The following WDFY3 variants were observed in gnomAD, a reference collection of about 807,000 sequenced individuals.
WDFY3 encodes WD repeat and FYVE domain-containing protein 3.
A neutral mutation model predicts 409.6 loss-of-function variants in WDFY3; 66 were observed. The observed-to-expected ratio is 0.16, with a 90% CI of 0.13 to 0.20. The LOEUF (loss-of-function observed/expected upper bound fraction) is 0.20. Ranked by LOEUF, WDFY3 falls within the 10% of genes least tolerant of loss-of-function variation. The probability of loss-of-function intolerance (pLI) is 1.00; values close to 1 mark genes in which losing one functional copy is unlikely to be tolerated. For missense variants in WDFY3, 3,031 were observed against 4,298.1 expected (o/e 0.71, Z 8.24); for synonymous variants, 1,521 against 1,537.1 (o/e 0.99, Z 0.25).
chr4:84,855,025 TA>T (rs1451833970), intron 4 of WDFY3, among the ~76,000 whole-genome samples: 1 of 152,076 alleles, frequency 6.6e-6, no homozygotes, highest in African/African-American at 2.4e-5. Context: ...GTGAAATTCA[TA>T]ACAGATTAAA....
chr4:84,741,316 G>GT lies in WDFY3; in HGVS notation c.6234+444dup, dbSNP rs879900100. 9.8e-3 allele frequency among the ~76,000 whole-genome samples: 1,374 copies of GT among 140,472 alleles called. 4 individuals carry two copies. The highest frequency in any genetic ancestry group is 0.046 in the East Asian group (222 of 4,834). 92.2% of individuals were successfully genotyped at this position (140,472 alleles called of 152,430 possible). On this transcript the variant is annotated intron_variant, in intron 38 of 67. Transcript: ENST00000295888. Reference sequence around the variant, plus strand: ...GGTTCAAAGTCTGTATCTCTATTCAGTTTTTTTTTTTTTTTTGAGACGGAG... The same window carrying GT: ...GGTTCAAAGTCTGTATCTCTATTCAGTTTTTTTTTTTTTTTTTGAGACGGAG...
intron 60 of WDFY3, among the ~76,000 whole-genome samples, chr4:84,691,371 G>A (rs1184413033): frequency 6.6e-6 from 1 of 152,164 alleles, no homozygotes; most frequent in Non-Finnish European, 1.5e-5. Context: ...GAGTGAGAAG[G>A]AAACTGCTAG....
intron 6 of WDFY3, among the ~76,000 whole-genome samples, chr4:84,840,904 G>A (rs1281870082): frequency 3.3e-5 from 5 of 152,022 alleles, no homozygotes; most frequent in Non-Finnish European, 2.9e-5. Flanking sequence ...TCCTATGTGT[G>A]TTACAACATA....
At chr4:84,942,382 A>G (rs991039980) in intron 1 of WDFY3, among the ~76,000 whole-genome samples, 2 of 152,198 alleles carry the variant, frequency 1.3e-5, no homozygotes, top group Admixed American at 6.5e-5. Context: ...AGATGTCGAC[A>G]CTTACTTTTA....
chr4:84,858,566 A>C (rs922810490), intron 4 of WDFY3, among the ~76,000 whole-genome samples: 1 of 152,186 alleles, frequency 6.6e-6, no homozygotes, highest in Non-Finnish European at 1.5e-5. Flanking sequence ...TATAGAGGAG[A>C]ATATTCTCAA....
intron 55 of WDFY3, among the ~76,000 whole-genome samples, chr4:84,703,006 G>A (rs1731303904): frequency 6.6e-6 from 1 of 151,844 alleles, no homozygotes; most frequent in East Asian, 1.9e-4. Flanking sequence ...TGAGGCAGGA[G>A]AATGGCATGA....
At chr4:84,895,574 C>T (rs1201132890) in intron 3 of WDFY3, among the ~76,000 whole-genome samples, 1 of 152,122 alleles carries the variant, frequency 6.6e-6, no homozygotes, top group East Asian at 1.9e-4. Flanking sequence ...AAGCCAGTCA[C>T]AGGAAGAGCC....
chr4:84,733,338 A>G, intron 44 of WDFY3, 44 bp downstream of exon 44: 1 of 1,575,556 alleles, frequency 6.3e-7, no homozygotes, highest in Non-Finnish European at 8.6e-7. Context: ...AGGAAAATAA[A>G]AACTTGAAAG....
At chr4:84,834,717 A>C (rs2149968574) in intron 7 of WDFY3, among the ~76,000 whole-genome samples, 1 of 152,326 alleles carries the variant, frequency 6.6e-6, no homozygotes, top group Admixed American at 6.5e-5. Flanking sequence ...CTGTTACAAA[A>C]GTCCAACCAA....
At chr4:84,783,821 T>C (rs1385263) in intron 24 of WDFY3, among the ~76,000 whole-genome samples, 64,521 of 151,536 alleles carry the variant, frequency 0.43, 14,075 homozygotes, top group East Asian at 0.49. Flanking sequence ...TATAGAGTTA[T>C]GTGAAGTTTA....
intron 5 of WDFY3, among the ~76,000 whole-genome samples, chr4:84,846,834 T>G (rs1283553644): frequency 7.3e-5 from 11 of 151,702 alleles, no homozygotes; most frequent in Admixed American, 6.6e-4. Flanking sequence ...AATCTTGAAG[T>G]AATTCAGGAA....
chr4:84,685,327 C>T (rs1172394975), intron 62 of WDFY3, among the ~76,000 whole-genome samples: 2 of 152,138 alleles, frequency 1.3e-5, no homozygotes, highest in African/African-American at 4.8e-5. Flanking sequence ...TGTGCTGCAC[C>T]GTCTGTGCTG....
In WDFY3 at chr4:84,804,449, C is replaced by A. The variant is rs866512397; in HGVS notation, c.2430-982G>T. ...CACTGCCGTGGTTTAAAAAAAATACCGTTCTCTTTTTAACAGGGATTCTAG... is the reference window on the plus strand; with the variant it reads ...CACTGCCGTGGTTTAAAAAAAATACAGTTCTCTTTTTAACAGGGATTCTAG... On this transcript the variant is annotated intron_variant, in intron 15 of 67. Coordinates refer to ENST00000295888, the MANE Select transcript of WDFY3 (RefSeq NM_014991.6). 1.1e-4 allele frequency among the ~76,000 whole-genome samples: 16 copies of A among 152,206 alleles called. No individual in the cohort carries two copies. In the South Asian group the frequency reaches 1.9e-3, roughly 18 times the overall value.
At chr4:84,683,895 A>C (rs1727847744) in intron 63 of WDFY3, 48 bp downstream of exon 63, 1 of 1,522,608 alleles carries the variant, frequency 6.6e-7, no homozygotes, top group South Asian at 1.3e-5. Flanking sequence ...GTTTCTGGTA[A>C]ACTAGGATGA....
chr4:84,776,371 T>G (rs551897918), intron 27 of WDFY3, among the ~76,000 whole-genome samples: 6 of 152,064 alleles, frequency 3.9e-5, no homozygotes, highest in Non-Finnish European at 8.8e-5. Flanking sequence ...TACTTGTGGT[T>G]TGGAGTAATT....
At chr4:84,940,193 T>C (rs560884761) in intron 1 of WDFY3, among the ~76,000 whole-genome samples, 1 of 152,210 alleles carries the variant, frequency 6.6e-6, no homozygotes, top group South Asian at 2.1e-4. Flanking sequence ...TCCATATCAC[T>C]ATGAAAAGTA....
intron 2 of WDFY3, among the ~76,000 whole-genome samples, chr4:84,898,885 T>C (rs1765982226): frequency 6.6e-6 from 1 of 152,200 alleles, no homozygotes; most frequent in African/African-American, 2.4e-5. Context: ...ATTTAACACC[T>C]AAGTTATCAT....
chr4:84,748,354 G>C (rs1739884059), intron 36 of WDFY3, among the ~76,000 whole-genome samples: 2 of 152,156 alleles, frequency 1.3e-5, no homozygotes, highest in South Asian at 4.1e-4. Context: ...AAATTGTATA[G>C]ATGTGAAGAG....
intron 3 of WDFY3, among the ~76,000 whole-genome samples, chr4:84,882,683 C>A (rs1412375994): frequency 3.3e-5 from 5 of 151,680 alleles, no homozygotes; most frequent in Non-Finnish European, 5.9e-5. Flanking sequence ...TGGATTTATA[C>A]CCTTTGTTAA....
Sources: gnomAD v4.1 joint callset for allele counts (sites outside exome capture counted in the v4.1 genomes callset) on GRCh38, gnomAD v4.1.1 for gene constraint, MANE v1.5 for transcripts, NCBI Gene and HGNC (gene_info 2026-07-23, HGNC 2026-07-21) for gene names.